The following NEGR1 variants were observed in gnomAD, a reference collection of about 807,000 sequenced individuals.
NEGR1 encodes the protein neuronal growth regulator 1.
Under a neutral mutation model 40.9 loss-of-function variants are expected in NEGR1, and 10 were observed. That is an observed-to-expected ratio of 0.24 (90% CI 0.15 to 0.42). NEGR1 has a LOEUF of 0.42. Ranked by LOEUF, NEGR1 falls within the 10% of genes least tolerant of loss-of-function variation. NEGR1 has a pLI of 1.00. For synonymous variants in NEGR1, 185 were observed against 166.8 expected (o/e 1.11, Z -0.84); for missense variants, 352 against 438.9 (o/e 0.80, Z 1.77).
intron 5 of NEGR1, among the ~76,000 whole-genome samples, chr1:71,602,097 T>G (rs1240053501): frequency 6.6e-6 from 1 of 152,116 alleles, no homozygotes; most frequent in Non-Finnish European, 1.5e-5. Flanking sequence ...TTTAAGACCC[T>G]CCAAGTCTTT....
chr1:71,977,329 A>G (rs964367105), intron 1 of NEGR1, among the ~76,000 whole-genome samples: 7 of 152,218 alleles, frequency 4.6e-5, no homozygotes, highest in African/African-American at 1.7e-4. Context: ...CCATCTCAAA[A>G]AAAACAAAAC....
intron 1 of NEGR1, among the ~76,000 whole-genome samples, chr1:72,006,687 A>G (rs1255330215): frequency 6.6e-6 from 1 of 152,164 alleles, no homozygotes; most frequent in East Asian, 1.9e-4. Flanking sequence ...GCTAAAAATA[A>G]GAATACCAGC....
At chr1:72,127,673 G>C (rs1339667717) in intron 1 of NEGR1, among the ~76,000 whole-genome samples, 1 of 151,922 alleles carries the variant, frequency 6.6e-6, no homozygotes, top group Non-Finnish European at 1.5e-5. Context: ...AAAATAAATA[G>C]ATCAACAAGT....
At chr1:71,880,208 A>G (rs1227041691) in intron 2 of NEGR1, among the ~76,000 whole-genome samples, 1 of 152,054 alleles carries the variant, frequency 6.6e-6, no homozygotes, top group Non-Finnish European at 1.5e-5. Flanking sequence ...TTTCACAATA[A>G]AAAATAACAA....
At chr1:71,952,957 G>GA (rs3061534) in intron 1 of NEGR1, among the ~76,000 whole-genome samples, 16,528 of 123,656 alleles carry the variant, frequency 0.13, 1,039 homozygotes, top group Middle Eastern at 0.26. Flanking sequence ...TACTGCTCAG[G>GA]AAAAAAAAAA....
intron 6 of NEGR1, among the ~76,000 whole-genome samples, chr1:71,455,009 C>T (rs1646662363): frequency 6.6e-6 from 1 of 152,052 alleles, no homozygotes; most frequent in African/African-American, 2.4e-5. Flanking sequence ...TAGGGATGGG[C>T]ACAGATGTAA....
intron 2 of NEGR1, among the ~76,000 whole-genome samples, chr1:71,888,056 T>A (rs887969608): frequency 1.3e-5 from 2 of 151,690 alleles, no homozygotes; most frequent in Admixed American, 1.3e-4. Context: ...AAAAAGCTCA[T>A]GTCTGAATGG....
chr1:72,089,434 C>A (rs1648374260), intron 1 of NEGR1, among the ~76,000 whole-genome samples: 1 of 152,080 alleles, frequency 6.6e-6, no homozygotes, highest in South Asian at 2.1e-4. Context: ...AAAGCATTAC[C>A]TATTACCACA....
At chr1:71,563,289 C>T (rs1648519195) in intron 6 of NEGR1, among the ~76,000 whole-genome samples, 1 of 151,914 alleles carries the variant, frequency 6.6e-6, no homozygotes, top group African/African-American at 2.4e-5. Context: ...ATGAATTTTG[C>T]TTGTAAGCTG....
At chr1:71,848,194 C>T (rs540604076) in intron 2 of NEGR1, among the ~76,000 whole-genome samples, 1 of 152,118 alleles carries the variant, frequency 6.6e-6, no homozygotes, top group Non-Finnish European at 1.5e-5. Context: ...GAAGCTGTTT[C>T]CATAACATAA....
intron 6 of NEGR1, among the ~76,000 whole-genome samples, chr1:71,576,855 C>T (rs1463165365): frequency 6.6e-6 from 1 of 152,132 alleles, no homozygotes; most frequent in Non-Finnish European, 1.5e-5. Flanking sequence ...ATGCTTTGAA[C>T]TGAAGTGGCC....
At chr1:71,869,740 A>G (rs1240392779) in intron 2 of NEGR1, among the ~76,000 whole-genome samples, 1 of 152,168 alleles carries the variant, frequency 6.6e-6, no homozygotes, top group Non-Finnish European at 1.5e-5. Flanking sequence ...TCTAAAGAAT[A>G]ATTATTATTT....
At chr1:71,416,101 A>T (rs1208097344) in intron 6 of NEGR1, among the ~76,000 whole-genome samples, 1 of 152,228 alleles carries the variant, frequency 6.6e-6, no homozygotes, top group Non-Finnish European at 1.5e-5. Context: ...TCTTAAGGTC[A>T]GTAATAGTCA....
At chr1:71,473,922 T>C (rs1646801032) in intron 6 of NEGR1, among the ~76,000 whole-genome samples, 1 of 152,102 alleles carries the variant, frequency 6.6e-6, no homozygotes, top group African/African-American at 2.4e-5. Context: ...AAGCTGCATT[T>C]GGTCTTTAGT....
chr1:71,628,271 T>A (rs1650851646), intron 4 of NEGR1, among the ~76,000 whole-genome samples: 1 of 152,002 alleles, frequency 6.6e-6, no homozygotes, highest in South Asian at 2.1e-4. Flanking sequence ...TGTCATAAAC[T>A]TATGTATTTC....
chr1:71,471,068 C>T (rs1646778851), intron 6 of NEGR1, among the ~76,000 whole-genome samples: 1 of 152,116 alleles, frequency 6.6e-6, no homozygotes, highest in Non-Finnish European at 1.5e-5. Flanking sequence ...ACACAATTCT[C>T]ATCAAGTTAT....
chr1:72,249,061 C>T (rs1655000947), intron 1 of NEGR1, among the ~76,000 whole-genome samples: 1 of 152,236 alleles, frequency 6.6e-6, no homozygotes, highest in South Asian at 2.1e-4. Context: ...AAACCCATCA[C>T]CTATGTGAGG....
chr1:71,469,354 G>T (rs1646767537), intron 6 of NEGR1, among the ~76,000 whole-genome samples: 1 of 152,002 alleles, frequency 6.6e-6, no homozygotes. Flanking sequence ...ACCACTTTTA[G>T]TAAGCAGGAT....
chr1:71,764,711 A>G (rs1656061676), intron 3 of NEGR1, among the ~76,000 whole-genome samples: 1 of 152,212 alleles, frequency 6.6e-6, no homozygotes, highest in Non-Finnish European at 1.5e-5. Flanking sequence ...GAGAGCAATC[A>G]TAAAAGCTGA....
Sources: gnomAD v4.1 joint callset for allele counts (sites outside exome capture counted in the v4.1 genomes callset) on GRCh38, gnomAD v4.1.1 for gene constraint, MANE v1.5 for transcripts, NCBI Gene and HGNC (gene_info 2026-07-23, HGNC 2026-07-21) for gene names.